The following CFI variants were observed in gnomAD, a reference collection of about 807,000 sequenced individuals.
CFI encodes the protein complement factor I, also known as C3B/C4B inactivator.
In CFI, 66 loss-of-function variants were observed where a neutral mutation model predicts 78.8. That is an observed-to-expected ratio of 0.84 (90% CI 0.69 to 1.03). The LOEUF (loss-of-function observed/expected upper bound fraction) is 1.03. Among genes scored for constraint, CFI ranks in the 50% least tolerant of loss-of-function variants. The pLI, the probability that CFI is intolerant of heterozygous loss-of-function variation, is 0.00. For synonymous variants in CFI, 250 were observed against 232.6 expected (o/e 1.07, Z -0.68); for missense variants, 706 against 704.5 (o/e 1.00, Z -0.02).
In CFI at chr4:109,746,318, C is replaced by A; in HGVS notation, c.1333G>T (p.Glu445Ter). 1 of 1,614,164 alleles carries A rather than the reference C, an allele frequency of 6.2e-7. No homozygotes were observed. Among genetic ancestry groups the A allele is most frequent in the Non-Finnish European group, 8.5e-7 (1 of 1,180,002 alleles). ...MKKDGNKKDC[E>*]LPRSIPACVP... ...CAGGCAGGGATGGAACGAGGCAGCTCACAATCTTTTTTGTTTCCGTCTTTT... is the reference window on the plus strand; with the variant it reads ...CAGGCAGGGATGGAACGAGGCAGCTAACAATCTTTTTTGTTTCCGTCTTTT... The change falls in exon 11 of 13, where the codon GAG becomes TAG. Residue 445 changes from glutamate to a stop codon, truncating the protein, a stop_gained. Transcript: ENST00000394634. LOFTEE classifies it high-confidence loss of function.
At chr4:109,751,438 C>CTTTTTTTTT (rs66497003) in intron 8 of CFI, among the ~76,000 whole-genome samples, 6 of 100,354 alleles carry the variant, frequency 6.0e-5, no homozygotes, top group Non-Finnish European at 9.1e-5. Flanking sequence ...AGAGCTAAAT[C>CTTTTTTTTT]TTTTTTTTTT....
chr4:109,762,994 T>C (rs986841962), intron 3 of CFI, among the ~76,000 whole-genome samples: 1 of 152,130 alleles, frequency 6.6e-6, no homozygotes, highest in Non-Finnish European at 1.5e-5. Context: ...AAATAGCCTA[T>C]GGCTTAATTT....
rs1478686846 is a variant in CFI at position 109,766,590 on chromosome 4, T to C, written c.292A>G (p.Thr98Ala). The C allele has an allele frequency of 2.5e-6, 4 of 1,614,212 alleles. No individual in the cohort carries two copies. The highest frequency in any genetic ancestry group is 2.2e-5 in the East Asian group (1 of 44,892). Residue 98 changes from threonine (T) to alanine (A), a missense_variant, in exon 2 of 13, where the codon ACA becomes GCA. Coordinates refer to ENST00000394634, the MANE Select transcript of CFI (RefSeq NM_000204.5). ...CATGTTCCGTTATTTAAAAACTTTGTCCCTGGATGAAGACATTCCAAACTC... is the reference window on the plus strand; with the variant it reads ...CATGTTCCGTTATTTAAAAACTTTGCCCCTGGATGAAGACATTCCAAACTC... ...QKSLECLHPG[T>A]KFLNNGTCTA...
chr4:109,769,360 T>G (rs1024474787), intron 1 of CFI, among the ~76,000 whole-genome samples: 1 of 152,246 alleles, frequency 6.6e-6, no homozygotes, highest in African/African-American at 2.4e-5. Context: ...ACTGAAGCTC[T>G]GACCTTCATG....
chr4:109,773,779 C>T lies in CFI; in HGVS notation c.58-6955G>A, dbSNP rs149796294. Reference sequence around the variant, plus strand: ...ATGGATCAGGTATTCCTGACTGTGGCCCCAGACTAGTTGCACCAAAACCAC... The same window carrying T: ...ATGGATCAGGTATTCCTGACTGTGGTCCCAGACTAGTTGCACCAAAACCAC... On this transcript the variant is annotated intron_variant, in intron 1 of 12. Transcript: ENST00000394634. Among the ~76,000 whole-genome samples, 4 of 152,304 alleles carry T rather than the reference C, an allele frequency of 2.6e-5. No homozygotes were observed. In the East Asian group the frequency reaches 5.8e-4, roughly 22 times the overall value.
Position 109,801,906 on chromosome 4 carries a change from A to ATTAC in CFI, c.57+5_57+8dup. 4 of 1,590,988 alleles carry ATTAC rather than the reference A, an allele frequency of 2.5e-6. No homozygotes were observed. Among genetic ancestry groups the ATTAC allele is most frequent in the Non-Finnish European group, 3.4e-6 (4 of 1,159,924 alleles). ...TTAAAATTGTTTGCATAAAGGTTGA[A>ATTAC]TTACTTACCTTGCAAAACCTTAAGT... On this transcript the variant is annotated intron_variant, in intron 1 of 12. Coordinates refer to ENST00000394634, the MANE Select transcript of CFI (RefSeq NM_000204.5).
chr4:109,754,929 C>T (rs1725942798), intron 7 of CFI, among the ~76,000 whole-genome samples: 1 of 152,004 alleles, frequency 6.6e-6, no homozygotes, highest in Admixed American at 6.6e-5. Context: ...GCTAGTACAC[C>T]TTTGATTATA....
downstream of CFI, among the ~76,000 whole-genome samples, chr4:109,738,947 T>C (rs1391263346): frequency 6.6e-6 from 1 of 152,184 alleles, no homozygotes; most frequent in East Asian, 1.9e-4. Context: ...TGGTGAGTTA[T>C]TGTTTAATAG....
At chr4:109,800,160 C>T (rs1732580867) in intron 1 of CFI, among the ~76,000 whole-genome samples, 1 of 152,016 alleles carries the variant, frequency 6.6e-6, no homozygotes, top group South Asian at 2.1e-4. Context: ...TGTCATTCTG[C>T]TTAACATTAC....
intron 11 of CFI, among the ~76,000 whole-genome samples, chr4:109,745,896 C>T (rs561984609): frequency 9.9e-5 from 15 of 152,222 alleles, no homozygotes; most frequent in Admixed American, 2.0e-4. Flanking sequence ...TATATATGAC[C>T]TTTGAAAGCC....
At chr4:109,753,218 AT>A (rs1454786517) in intron 7 of CFI, among the ~76,000 whole-genome samples, 3 of 2,864 alleles carry the variant, frequency 1.0e-3, no homozygotes, top group Non-Finnish European at 0.033. Context: ...TATATTTATA[AT>A]ATATTTATAA....
At chr4:109,778,985 AAAT>A (rs1729642418) in intron 1 of CFI, among the ~76,000 whole-genome samples, 1 of 152,142 alleles carries the variant, frequency 6.6e-6, no homozygotes, top group Non-Finnish European at 1.5e-5. Flanking sequence ...ACGTATCTCA[AAAT>A]AATAAGAGCT....
At chr4:109,800,481 A>T (rs1167831121) in intron 1 of CFI, among the ~76,000 whole-genome samples, 1 of 150,666 alleles carries the variant, frequency 6.6e-6, no homozygotes. Context: ...ACATGCGTGA[A>T]CCCCCACACC....
intron 8 of CFI, among the ~76,000 whole-genome samples, chr4:109,750,951 T>C (rs1246285449): frequency 6.6e-6 from 1 of 152,210 alleles, no homozygotes; most frequent in Non-Finnish European, 1.5e-5. Flanking sequence ...CCTGGCCTTA[T>C]GGCAAATTCC....
the CFI span, among the ~76,000 whole-genome samples, chr4:109,732,781 C>T: frequency 7.3e-5 from 11 of 150,526 alleles, no homozygotes; most frequent in Middle Eastern, 0.01. Context: ...GGCGTGAACC[C>T]GGGAGGCAGA....
Position 109,766,603 on chromosome 4 carries a change from A to T in CFI, c.279T>A (p.Cys93Ter), listed in dbSNP as rs1477653758. ...TTAAAAACTTTGTCCCTGGATGAAG[A>T]CATTCCAAACTCTTTTGTTGACAGT... ...PTYCQQKSLE[C>*]LHPGTKFLNN... Residue 93 changes from cysteine (C) to a stop codon, truncating the protein, a stop_gained, in exon 2 of 13, where the codon TGT (cysteine) becomes TGA (stop). Transcript: ENST00000394634. LOFTEE classifies it high-confidence loss of function. 1 of 1,614,210 alleles carries T rather than the reference A, an allele frequency of 6.2e-7. No individual in the cohort carries two copies. The highest frequency in any genetic ancestry group is 2.2e-5 in the East Asian group (1 of 44,888).
chr4:109,733,644 T>C, the CFI span, among the ~76,000 whole-genome samples: 2 of 152,122 alleles, frequency 1.3e-5, no homozygotes, highest in South Asian at 2.1e-4. Flanking sequence ...GGACTGAATA[T>C]GAGAGAAAAA....
chr4:109,755,254 G>A (rs778756189), intron 7 of CFI, among the ~76,000 whole-genome samples: 7 of 152,160 alleles, frequency 4.6e-5, no homozygotes, highest in Non-Finnish European at 1.0e-4. Context: ...TTGACAGCTG[G>A]AGAAACACGC....
intron 7 of CFI, among the ~76,000 whole-genome samples, chr4:109,756,880 GAAAGA>G (rs1726230028): frequency 2.4e-5 from 3 of 126,176 alleles, no homozygotes; most frequent in South Asian, 5.2e-4. Flanking sequence ...TCGAAAGAAA[GAAAGA>G]AAGGAAAGAA....
Sources: allele counts gnomAD v4.1 joint callset (sites outside exome capture counted in the v4.1 genomes callset), GRCh38; gene constraint gnomAD v4.1.1; transcripts MANE v1.5; gene names NCBI Gene and HGNC (gene_info 2026-07-23, HGNC 2026-07-21).